CNTNAP4: variants seen among roughly 807,000 people sequenced by gnomAD.
CNTNAP4 encodes the protein contactin-associated protein-like 4.
A neutral mutation model predicts 148.4 loss-of-function variants in CNTNAP4; 98 were observed. That is an observed-to-expected ratio of 0.66 (90% confidence interval 0.56 to 0.78). CNTNAP4 has a LOEUF of 0.78. Ranked by LOEUF, CNTNAP4 falls within the 30% of genes least tolerant of loss-of-function variation. CNTNAP4 has a pLI of 0.00. For missense variants in CNTNAP4, 1,935 were observed against 1,565.6 expected (o/e 1.24, Z -3.98); for synonymous variants, 730 against 565.1 (o/e 1.29, Z -4.14).
intron 11 of CNTNAP4, among the ~76,000 whole-genome samples, chr16:76,478,926 G>C (rs2081697357): frequency 6.6e-6 from 1 of 152,070 alleles, no homozygotes; most frequent in African/African-American, 2.4e-5. Flanking sequence ...TTTTCTGTGA[G>C]AATATAGTTG....
intron 17 of CNTNAP4, among the ~76,000 whole-genome samples, chr16:76,534,755 C>T (rs568112498): frequency 6.6e-6 from 1 of 152,208 alleles, no homozygotes; most frequent in East Asian, 1.9e-4. Context: ...AGAAGCTCTC[C>T]GTGTGATTAT....
At chr16:76,477,211 C>A (rs2081617193) in intron 11 of CNTNAP4, among the ~76,000 whole-genome samples, 3 of 152,102 alleles carry the variant, frequency 2.0e-5, no homozygotes, top group Admixed American at 2.0e-4. Flanking sequence ...TATTACAAAT[C>A]ATGAATTTGT....
chr16:76,457,133 C>CT (rs2080765268), intron 8 of CNTNAP4, among the ~76,000 whole-genome samples: 1 of 152,160 alleles, frequency 6.6e-6, no homozygotes, highest in South Asian at 2.1e-4. Flanking sequence ...AATTCAAATT[C>CT]TATGATTTCT....
chr16:76,286,242 G>C (rs1352627410), intron 1 of CNTNAP4, among the ~76,000 whole-genome samples: 1 of 146,840 alleles, frequency 6.8e-6, no homozygotes, highest in East Asian at 2.1e-4. Flanking sequence ...GGTGGGAATT[G>C]GAAAACAGAC....
At chr16:76,372,225 C>T (rs1413290738) in intron 3 of CNTNAP4, among the ~76,000 whole-genome samples, 3 of 150,908 alleles carry the variant, frequency 2.0e-5, no homozygotes, top group Admixed American at 6.6e-5. Flanking sequence ...CTGCAAGCTC[C>T]GCCTCCCAGG....
intron 15 of CNTNAP4, among the ~76,000 whole-genome samples, chr16:76,512,442 T>C (rs541963375): frequency 6.6e-6 from 1 of 152,260 alleles, no homozygotes; most frequent in South Asian, 2.1e-4. Flanking sequence ...TAAAATTTCC[T>C]GATGAATTGT....
intron 15 of CNTNAP4, among the ~76,000 whole-genome samples, chr16:76,499,527 A>G (rs1466874368): frequency 6.6e-6 from 1 of 151,880 alleles, no homozygotes; most frequent in East Asian, 1.9e-4. Context: ...TTTTCTAGAT[A>G]AAACTCCAAG....
rs555825795 is a variant in CNTNAP4, at chr16:76,533,476, A to G, written c.2756-2069A>G. On this transcript the variant is annotated intron_variant, in intron 17 of 23. Transcript: ENST00000611870. Reference sequence around the variant, plus strand: ...TGTAGTTTCAAATAACTAGGAAGATATTGAATGTTCCCAACACTAAAAAAT... The same window carrying G: ...TGTAGTTTCAAATAACTAGGAAGATGTTGAATGTTCCCAACACTAAAAAAT... Among the ~76,000 whole-genome samples the G allele has an allele frequency of 2.5e-4, 38 of 152,310 alleles. No individual in the cohort carries two copies. The Middle Eastern group carries it at 0.01, about 41-fold the overall frequency.
chr16:76,402,990 A>G (rs569895174), intron 3 of CNTNAP4, among the ~76,000 whole-genome samples: 9 of 152,302 alleles, frequency 5.9e-5, no homozygotes, highest in Non-Finnish European at 1.3e-4. Flanking sequence ...TGTACCATGT[A>G]GCAATGATAA....
At chr16:76,446,387 T>TA (rs1217627367) in intron 4 of CNTNAP4, among the ~76,000 whole-genome samples, 1 of 152,152 alleles carries the variant, frequency 6.6e-6, no homozygotes, top group African/African-American at 2.4e-5. Context: ...GTAATTGCCT[T>TA]AAAAAAATCT....
Position 76,540,754 on chromosome 16 carries a change from A to C in CNTNAP4, c.3406A>C (p.Ser1136Arg). 1 of 1,577,210 alleles carries C rather than the reference A, an allele frequency of 6.3e-7. No individual in the cohort carries two copies. Among genetic ancestry groups the C allele is most frequent in the South Asian group, 1.2e-5 (1 of 85,754 alleles). ...QVHLSSGTEF[S>R]AVKSLVLGRI... is the part of the protein sequence containing the mutation. Reference sequence around the variant, plus strand: ...TCACCTGTCATCAGGCACAGAATTCAGTGCAGTCAAATCTCTGGTATTGGG... The same window carrying C: ...TCACCTGTCATCAGGCACAGAATTCCGTGCAGTCAAATCTCTGGTATTGGG... Residue 1136 changes from serine (S) to arginine (R), a missense_variant, in exon 21 of 24, where the codon AGT (serine) becomes CGT (arginine). Physicochemically the swap from Ser to Arg is moderately radical, Grantham distance 110. Transcript: ENST00000611870.
chr16:76,322,721 C>A (rs1481932611), intron 2 of CNTNAP4, among the ~76,000 whole-genome samples: 3 of 152,142 alleles, frequency 2.0e-5, no homozygotes, highest in African/African-American at 7.2e-5. Flanking sequence ...CCAGTTAACC[C>A]CATTTTAGCA....
intron 12 of CNTNAP4, among the ~76,000 whole-genome samples, chr16:76,482,749 G>T (rs1351942815): frequency 6.6e-6 from 1 of 152,070 alleles, no homozygotes; most frequent in Non-Finnish European, 1.5e-5. Context: ...AAGCTCTCCC[G>T]CCTGTGCAGT....
intron 14 of CNTNAP4, 81 bp downstream of exon 14, chr16:76,495,147 A>G: frequency 1.4e-6 from 2 of 1,446,290 alleles, no homozygotes; most frequent in Non-Finnish European, 1.9e-6. Flanking sequence ...AGCTAGCCAG[A>G]TACTGAACAA....
chr16:76,469,455 A>T (rs1597644934), intron 10 of CNTNAP4: 1 of 152,096 alleles, frequency 6.6e-6, no homozygotes, highest in East Asian at 1.9e-4. Context: ...GGACTCCCCA[A>T]CCCCTGATGG....
Position 76,372,872 on chromosome 16 carries a change from A to G in CNTNAP4, c.390+17361A>G, listed in dbSNP as rs117288341. 3.3e-5 allele frequency among the ~76,000 whole-genome samples: 5 copies of G among 152,334 alleles called. No homozygotes were observed. The East Asian group carries it at 7.7e-4, about 24-fold the overall frequency. ...CATACTATGTATATTATCTTTATTG[A>G]AAAGTGTACCTATTTCTTAAGGCTA... On this transcript the variant is annotated intron_variant, in intron 3 of 23. Transcript: ENST00000611870.
chr16:76,293,307 T>C (rs1015809035), intron 1 of CNTNAP4, among the ~76,000 whole-genome samples: 6 of 152,116 alleles, frequency 3.9e-5, no homozygotes, highest in Non-Finnish European at 8.8e-5. Flanking sequence ...GTATGTTTAG[T>C]AGAGACGGGG....
chr16:76,511,870 C>A lies in CNTNAP4; in HGVS notation c.2366-9270C>A, dbSNP rs868071564. Among the ~76,000 whole-genome samples, 59 of 117,500 alleles carry A rather than the reference C, an allele frequency of 5.0e-4. No homozygotes were observed. In the East Asian group the frequency reaches 0.017, roughly 34 times the overall value. The allele number at this position is 117,500 out of a possible 152,430, so 77.1% of individuals were successfully genotyped here. ...GAGAGAGAGAGAGAGAGACAATAAT[C>A]AATTGAAATATGTGGTACAGTAGAA... On this transcript the variant is annotated intron_variant, in intron 15 of 23. Coordinates refer to ENST00000611870, the MANE Select transcript of CNTNAP4 (RefSeq NM_033401.5).
chr16:76,354,375 C>T (rs142344942), intron 2 of CNTNAP4, among the ~76,000 whole-genome samples: 1 of 152,268 alleles, frequency 6.6e-6, no homozygotes, highest in Non-Finnish European at 1.5e-5. Context: ...GTAAATTATG[C>T]TGTGCACATT....
Sources: gnomAD v4.1 joint callset for allele counts (sites outside exome capture counted in the v4.1 genomes callset) on GRCh38, gnomAD v4.1.1 for gene constraint, MANE v1.5 for transcripts, NCBI Gene and HGNC (gene_info 2026-07-23, HGNC 2026-07-21) for gene names.